The following ASH1L variants were observed in gnomAD, a reference collection of about 807,000 sequenced individuals.
ASH1L encodes the protein histone-lysine N-methyltransferase ASH1L.
ASH1L carries 23 observed loss-of-function variants against 269.0 expected under a neutral mutation model. That is an observed-to-expected ratio of 0.09 (90% confidence interval 0.06 to 0.12). The LOEUF (loss-of-function observed/expected upper bound fraction) is 0.12, where lower values mean the gene tolerates loss of function less well. Among genes scored for constraint, ASH1L ranks in the 10% least tolerant of loss-of-function variants. The pLI, the probability that ASH1L is intolerant of heterozygous loss-of-function variation, is 1.00. For missense variants in ASH1L, 2,912 were observed against 3,567.8 expected, an observed-to-expected ratio of 0.82 and a Z score of 4.68; for synonymous variants, 1,187 against 1,253.5, an observed-to-expected ratio of 0.95 and a Z score of 1.12.
chr1:155,403,187 A>G (rs1429796135), intron 6 of ASH1L, among the ~76,000 whole-genome samples: 1 of 148,668 alleles, frequency 6.7e-6, no homozygotes, highest in African/African-American at 2.4e-5. Flanking sequence ...CTCCATCTCA[A>G]AAAAAAAAAA....
intron 1 of ASH1L, among the ~76,000 whole-genome samples, chr1:155,538,002 T>A (rs557172444): frequency 8.9e-4 from 135 of 152,168 alleles, no homozygotes; most frequent in African/African-American, 3.0e-3. Flanking sequence ...TGGCATTTTT[T>A]AAATTTTTTA....
At chr1:155,408,174 C>T (rs1483200844) in intron 6 of ASH1L, among the ~76,000 whole-genome samples, 2 of 152,128 alleles carry the variant, frequency 1.3e-5, no homozygotes, top group South Asian at 2.1e-4. Context: ...GCCCCAGCCT[C>T]GGATGGTACC....
In ASH1L at chr1:155,477,945, T is replaced by A. The variant is rs1267885596; in HGVS notation, c.4925A>T (p.Asn1642Ile). Residue 1642 changes from asparagine to isoleucine, a missense_variant, in exon 3 of 28, where the codon AAT (asparagine) becomes ATT (isoleucine). Asn to Ile is a moderately radical substitution (Grantham distance 149). Around this residue, in one of 13 missense-constraint regions of ASH1L, gnomAD observed 789 missense variants for 897.6 expected, o/e 0.88. Coordinates refer to ENST00000392403, the MANE Select transcript of ASH1L (RefSeq NM_018489.3). The part of the protein sequence containing the change: ...GLFSAQDTSL[N>I]RLHRKESLPS... ...CAGTGACTCCTTTCTGTGAAGCCGA[T>A]TTAGTGAAGTGTCCTGTGCAGAAAA... The A allele has an allele frequency of 4.3e-6, 7 of 1,614,020 alleles. No individual in the cohort carries two copies. In the Admixed American group the frequency reaches 8.3e-5, roughly 19 times the overall value.
intron 10 of ASH1L, among the ~76,000 whole-genome samples, chr1:155,375,265 T>G (rs374205358): frequency 2.0e-5 from 3 of 152,356 alleles, no homozygotes; most frequent in East Asian, 3.9e-4. Context: ...CAGAGGTTAC[T>G]GAAAATTTGT....
chr1:155,432,937 C>T (rs1484030788), intron 5 of ASH1L, among the ~76,000 whole-genome samples: 1 of 152,128 alleles, frequency 6.6e-6, no homozygotes, highest in Non-Finnish European at 1.5e-5. Context: ...GACGGGGTTT[C>T]ACCATGTTAC....
chr1:155,432,517 G>C (rs1002574752), intron 5 of ASH1L, among the ~76,000 whole-genome samples: 2 of 152,152 alleles, frequency 1.3e-5, no homozygotes, highest in Non-Finnish European at 2.9e-5. Context: ...ACAAGTACTA[G>C]TGTAAGCTCC....
chr1:155,358,438 C>T (rs1654613844), intron 13 of ASH1L, among the ~76,000 whole-genome samples: 2 of 151,798 alleles, frequency 1.3e-5, no homozygotes, highest in Non-Finnish European at 1.5e-5. Flanking sequence ...TGTAATCCAG[C>T]ACTTTGGGAG....
intron 6 of ASH1L, among the ~76,000 whole-genome samples, chr1:155,400,443 A>G (rs1658735380): frequency 6.6e-6 from 1 of 152,164 alleles, no homozygotes; most frequent in African/African-American, 2.4e-5. Context: ...AATATTTTGA[A>G]TGCCTACTTC....
rs148908051 is a variant in ASH1L, at chr1:155,477,376, T to C, written c.4984+510A>G. The stretch of plus-strand genomic sequence containing the variant: ...ATGAATATTCAGTTAAATTTTACAA[T>C]GCTGAAAATGTCCAATGTTTGAATT... On this transcript the variant is annotated intron_variant, in intron 3 of 27. Transcript: ENST00000392403. 2.0e-5 allele frequency among the ~76,000 whole-genome samples: 3 copies of C among 152,224 alleles called. 1 individual carries two copies. The South Asian group carries it at 6.2e-4, about 32-fold the overall frequency.
intron 12 of ASH1L, among the ~76,000 whole-genome samples, chr1:155,369,529 G>A (rs1571020040): frequency 6.6e-6 from 1 of 151,520 alleles, no homozygotes; most frequent in South Asian, 2.1e-4. Flanking sequence ...CCCCAAAGTT[G>A]TTCATACTAT....
chr1:155,425,636 A>G (rs932471561), intron 5 of ASH1L, among the ~76,000 whole-genome samples: 6 of 151,782 alleles, frequency 4.0e-5, no homozygotes, highest in African/African-American at 1.5e-4. Flanking sequence ...AGGTTTCACC[A>G]TGTTGGTCAG....
At chr1:155,339,103 T>C (rs879114657) in intron 26 of ASH1L, among the ~76,000 whole-genome samples, 1 of 152,216 alleles carries the variant, frequency 6.6e-6, no homozygotes, top group Admixed American at 6.5e-5. Context: ...TCCAAATCTC[T>C]GTCTCTACTC....
Position 155,350,121 on chromosome 1 carries a change from C to T in ASH1L, c.7367-525G>A, listed in dbSNP as rs1038341034. On this transcript the variant is annotated intron_variant, in intron 17 of 27. Coordinates refer to ENST00000392403, the MANE Select transcript of ASH1L (RefSeq NM_018489.3). The stretch of plus-strand genomic sequence containing the variant: ...AGCCAGGCTGGTCTCGATCTGACCT[C>T]GTGATCTGCCCGCCTCAGCCTCCCA... 2.6e-5 allele frequency among the ~76,000 whole-genome samples: 4 copies of T among 151,644 alleles called. No individual in the cohort carries two copies. The East Asian group carries it at 5.8e-4, about 22-fold the overall frequency.
At chr1:155,346,909 G>C (rs1309057415) in intron 20 of ASH1L, among the ~76,000 whole-genome samples, 3 of 152,152 alleles carry the variant, frequency 2.0e-5, no homozygotes, top group Non-Finnish European at 2.9e-5. Context: ...TATATTAGTG[G>C]GGACACTAAG....
chr1:155,357,446 A>C, intron 14 of ASH1L, 36 bp from the exon 15 acceptor site: 2 of 1,598,382 alleles, frequency 1.3e-6, no homozygotes, highest in Non-Finnish European at 1.7e-6. Flanking sequence ...AGATTTAAAA[A>C]AATATCAGTC....
chr1:155,562,869 C>G, upstream of ASH1L: 1 of 463,438 alleles, frequency 2.2e-6, no homozygotes, highest in Non-Finnish European at 4.2e-6. Flanking sequence ...GGCCACCAAC[C>G]GCCGCCACGG....
chr1:155,398,988 C>A (rs1016659317), intron 6 of ASH1L, among the ~76,000 whole-genome samples: 1 of 152,146 alleles, frequency 6.6e-6, no homozygotes, highest in Admixed American at 6.6e-5. Context: ...CTGCCCTGGC[C>A]TCCCAAAGTG....
chr1:155,540,025 C>T (rs1427228097), intron 1 of ASH1L, among the ~76,000 whole-genome samples: 1 of 151,786 alleles, frequency 6.6e-6, no homozygotes, highest in Non-Finnish European at 1.5e-5. Flanking sequence ...GCTATGATTG[C>T]ACCACTGACT....
intron 17 of ASH1L, among the ~76,000 whole-genome samples, chr1:155,350,514 G>A (rs370301092): frequency 3.3e-5 from 5 of 152,178 alleles, no homozygotes; most frequent in African/African-American, 7.2e-5. Context: ...GGAACTTATT[G>A]AGGGTAATCT....
Sources: gnomAD v4.1 joint callset for allele counts (sites outside exome capture counted in the v4.1 genomes callset) on GRCh38, gnomAD v4.1.1 for gene constraint, gnomAD v4.1.1 regional missense constraint, MANE v1.5 for transcripts, NCBI Gene and HGNC (gene_info 2026-07-23, HGNC 2026-07-21) for gene names.